Variants in ACY1 observed in about 807,000 individuals in gnomAD.
ACY1 encodes aminoacylase-1.
A neutral mutation model predicts 53.3 loss-of-function variants in ACY1; 38 were observed. The ratio of observed to expected loss-of-function variants is 0.71; its 90% CI spans 0.55 to 0.93. The LOEUF is 0.93. ACY1 is among the 40% of genes least tolerant of loss of function. The pLI is 0.00. For missense variants in ACY1, 484 were observed against 540.9 expected, an observed-to-expected ratio of 0.89 and a Z score of 1.04; for synonymous variants, 177 against 202.1, an observed-to-expected ratio of 0.88 and a Z score of 1.05.
In ACY1 at chr3:51,985,202, T is replaced by G; in HGVS notation, c.95-5T>G. On this transcript the variant is annotated splice_region_variant and splice_polypyrimidine_tract_variant and intron_variant, in intron 2 of 14. Transcript: ENST00000636358. ...AAGCAGCCCCAAGACACTCTGTGCC[T>G]CCAGGAGCTGCTGTGGCTTTCTTTG... 1 of 1,601,684 alleles carries G rather than the reference T, an allele frequency of 6.2e-7. No individual in the cohort carries two copies. The highest frequency in any genetic ancestry group is 1.1e-5 in the South Asian group (1 of 89,232).
chr3:51,988,395 C>T (rs1208687905), intron 12 of ACY1, 129 bp from the exon 13 acceptor site: 1 of 831,892 alleles, frequency 1.2e-6, no homozygotes, highest in Non-Finnish European at 2.1e-6. Context: ...GACTGGCTAC[C>T]CAGATGTCTG....
intron 1 of ACY1, 108 bp downstream of exon 1, chr3:51,983,697 CTTTTT>C: frequency 4.3e-6 from 1 of 234,384 alleles, no homozygotes; most frequent in South Asian, 6.1e-5. Flanking sequence ...TTGTTTTTGC[CTTTTT>C]TTTTTTTTAG....
At chr3:51,986,810 G>T (rs960107711) in intron 8 of ACY1, 149 bp downstream of exon 8, 2 of 1,281,334 alleles carry the variant, frequency 1.6e-6, no homozygotes, top group South Asian at 2.5e-5. Flanking sequence ...TCCTATCTGA[G>T]CTTCTCTGAG....
intron 1 of ACY1, among the ~76,000 whole-genome samples, chr3:51,983,830 A>G (rs990696820): frequency 1.3e-5 from 2 of 152,032 alleles, no homozygotes; most frequent in African/African-American, 4.8e-5. Flanking sequence ...TCTGAGCACA[A>G]ACTTCATGGG....
At chr3:51,983,666 T>C in intron 1 of ACY1, 77 bp downstream of exon 1, 1 of 274,110 alleles carries the variant, frequency 3.6e-6, no homozygotes, top group South Asian at 3.8e-5. Context: ...CGTTGGGGTT[T>C]TTCTTGTTTG....
Position 51,985,926 on chromosome 3 carries a change from C to T in ACY1, c.339C>T (p.Asp113=). The part of the protein sequence containing the change: ...EGYIYARGAQ[D]MKCVSIQYLE... ...ACATCTATGCCAGGGGTGCCCAGGA[C>T]ATGAAGTGCGTCAGCATCCAGTGAG... The change falls in exon 5 of 15, where the codon GAC becomes GAT. Residue 113 remains aspartate, a synonymous_variant. Transcript: ENST00000636358. 6.2e-7 allele frequency: 1 copy of T among 1,612,584 alleles called. No homozygotes were observed. Among genetic ancestry groups the T allele is most frequent in the Non-Finnish European group, 8.5e-7 (1 of 1,179,320 alleles).
chr3:51,988,916 G>A lies in ACY1; in HGVS notation c.1068G>A (p.Gly356=), dbSNP rs1701171484. 2 of 1,614,214 alleles carry A rather than the reference G, an allele frequency of 1.2e-6. No homozygotes were observed. Among genetic ancestry groups the A allele is most frequent in the Non-Finnish European group, 1.7e-6 (2 of 1,180,038 alleles). The change falls in exon 15 of 15, where the codon GGG becomes GGA. Residue 356 remains glycine, a synonymous_variant. Coordinates refer to ENST00000636358, the MANE Select transcript of ACY1 (RefSeq NM_000666.3). The part of the protein sequence containing the change: ...ATDNRYIRAV[G]VPALGFSPMN... The stretch of plus-strand genomic sequence containing the variant: ...GCTCTTCCTCACCCCTGCAGGTGGG[G>A]GTCCCAGCTCTAGGCTTCTCACCCA...
rs758355874 is a variant in ACY1, at chr3:51,989,009, G to C, written c.1161G>C (p.Gly387=). 6.2e-7 allele frequency: 1 copy of C among 1,614,120 alleles called. No individual in the cohort carries two copies. Among genetic ancestry groups the C allele is most frequent in the South Asian group, 1.1e-5 (1 of 91,080 alleles). The change falls in exon 15 of 15, where the codon GGG becomes GGC. Residue 387 remains glycine (G), a synonymous_variant. Coordinates refer to ENST00000636358, the MANE Select transcript of ACY1 (RefSeq NM_000666.3). Reference sequence around the variant, plus strand: ...TGCATGAGGCTGTGTTCCTCCGTGGGGTGGACATATATACACGCCTGCTGC... The same window carrying C: ...TGCATGAGGCTGTGTTCCTCCGTGGCGTGGACATATATACACGCCTGCTGC... ...ERLHEAVFLR[G]VDIYTRLLPA... is the part of the protein sequence containing the mutation.
At chr3:51,986,110 A>C (rs934248557) in intron 5 of ACY1, 145 bp from the exon 6 acceptor site, 4 of 1,077,182 alleles carry the variant, frequency 3.7e-6, no homozygotes, top group Non-Finnish European at 5.6e-6. Flanking sequence ...GATTCAGACC[A>C]GAGAGGGGCA....
chr3:51,984,814 CAAAAAAAAA>C, intron 2 of ACY1: 3 of 114,918 alleles, frequency 2.6e-5, no homozygotes, highest in South Asian at 7.0e-5. Context: ...GACCCTGTCT[CAAAAAAAAA>C]AAAAAAAAAA....
At chr3:51,986,708 A>G (rs1290215261) in intron 8 of ACY1, 47 bp downstream of exon 8, 8 of 1,605,478 alleles carry the variant, frequency 5.0e-6, no homozygotes, top group South Asian at 1.1e-5. Flanking sequence ...GCGGGAGGCT[A>G]GGCCAGAAAG....
rs202207844 is a variant in ACY1, at chr3:51,989,005, G to A, written c.1157G>A (p.Arg386His). 1.5e-4 allele frequency: 249 copies of A among 1,613,962 alleles called. No individual in the cohort carries two copies. Among genetic ancestry groups the A allele is most frequent in the Non-Finnish European group, 2.0e-4 (236 of 1,180,034 alleles). The stretch of plus-strand genomic sequence containing the variant: ...CGGCTGCATGAGGCTGTGTTCCTCC[G>A]TGGGGTGGACATATATACACGCCTG... ...DERLHEAVFL[R>H]GVDIYTRLLP... The change falls in exon 15 of 15, where the codon CGT (arginine) becomes CAT (histidine). Residue 386 changes from arginine to histidine, a missense_variant. Transcript: ENST00000636358.
chr3:51,985,486 G>T, intron 4 of ACY1, 21 bp downstream of exon 4: 1 of 1,611,254 alleles, frequency 6.2e-7, no homozygotes. Context: ...GGCTGGGGAG[G>T]TGGGCAGTGC....
intron 2 of ACY1, 106 bp downstream of exon 2, chr3:51,984,264 T>C (rs1279640982): frequency 1.9e-6 from 2 of 1,060,512 alleles, no homozygotes; most frequent in Non-Finnish European, 1.4e-6. Flanking sequence ...CACTCTGCTG[T>C]CCCAAATGGC....
chr3:51,984,214 C>T lies in ACY1; in HGVS notation c.94+56C>T. The T allele has an allele frequency of 1.9e-6, 3 of 1,538,586 alleles. No individual in the cohort carries two copies. The Admixed American group carries it at 5.2e-5, about 27-fold the overall frequency. ...CGGGGCCTAAGGGACGGGGACTGTGCTCTAAACCAGCCTCCAACCCCTGTC... is the reference window on the plus strand; with the variant it reads ...CGGGGCCTAAGGGACGGGGACTGTGTTCTAAACCAGCCTCCAACCCCTGTC... On this transcript the variant is annotated intron_variant, in intron 2 of 14. Transcript: ENST00000636358.
chr3:51,988,745 ATCAGGCTCTTTCTCCT>A lies in ACY1; in HGVS notation c.1002-20_1002-5del. On this transcript the variant is annotated splice_polypyrimidine_tract_variant and splice_region_variant and intron_variant, in intron 13 of 14. Coordinates refer to ENST00000636358, the MANE Select transcript of ACY1 (RefSeq NM_000666.3). ...TTCTTCGCTTTCTCCCTCCCCATTC[ATCAGGCTCTTTCTCCT>A]ACAGGAACCTCACTCTGGAGCCTGA... 6.2e-7 allele frequency: 1 copy of A among 1,611,442 alleles called. No individual in the cohort carries two copies. Among genetic ancestry groups the A allele is most frequent in the East Asian group, 2.2e-5 (1 of 44,738 alleles).
chr3:51,984,971 A>G (rs1258894703), intron 2 of ACY1: 1 of 592,918 alleles, frequency 1.7e-6, no homozygotes, highest in Non-Finnish European at 3.0e-6. Context: ...TTTAAGGAAG[A>G]TAACACCTTC....
rs1559781511 is a variant in ACY1, at chr3:51,987,639, C to T, written c.921+15C>T. ...AGTTTGCTCAGGTATGGACTTGGGA[C>T]ATGTGATGGGAGAGTGTGGGAGCCG... On this transcript the variant is annotated intron_variant, in intron 12 of 14. Transcript: ENST00000636358. 6.2e-7 allele frequency: 1 copy of T among 1,613,270 alleles called. No homozygotes were observed.
In ACY1 at chr3:51,987,351, C is replaced by T. The variant is rs780541505; in HGVS notation, c.750C>T (p.Ser250=). 15 of 1,614,032 alleles carry T rather than the reference C, an allele frequency of 9.3e-6. No individual in the cohort carries two copies. The highest frequency in any genetic ancestry group is 5.5e-5 in the South Asian group (5 of 91,086). ...ACCTGAAAGAGGGGTCCGTGACCTCCGTGAACCTGACTAAGCTAGAGGGTG... is the reference window on the plus strand; with the variant it reads ...ACCTGAAAGAGGGGTCCGTGACCTCTGTGAACCTGACTAAGCTAGAGGGTG... ...NPHLKEGSVT[S]VNLTKLEGGV... The change falls in exon 11 of 15, where the codon TCC becomes TCT. Residue 250 remains serine, a synonymous_variant. Transcript: ENST00000636358.
Sources: allele counts gnomAD v4.1 joint callset (sites outside exome capture counted in the v4.1 genomes callset), GRCh38; gene constraint gnomAD v4.1.1; transcripts MANE v1.5; gene names NCBI Gene and HGNC (gene_info 2026-07-23, HGNC 2026-07-21).